Variants in DSE observed in about 807,000 individuals in gnomAD.
The protein encoded by DSE is dermatan sulfate epimerase.
In DSE, 36 loss-of-function variants were observed where a neutral mutation model predicts 84.4. The observed-to-expected ratio is 0.43, with a 90% confidence interval of 0.33 to 0.56. The LOEUF (loss-of-function observed/expected upper bound fraction) is 0.56. DSE is among the 20% of genes least tolerant of loss of function. The pLI, the probability that DSE is intolerant of heterozygous loss-of-function variation, is 0.06. For missense variants in DSE, 862 were observed against 1,169.6 expected (o/e 0.74, Z 3.84); for synonymous variants, 410 against 430.1 (o/e 0.95, Z 0.58).
At chr6:116,369,099 T>C (rs1562258924), upstream of DSE, among the ~76,000 whole-genome samples, 1 of 152,174 alleles carries the variant, frequency 6.6e-6, no homozygotes, top group Non-Finnish European at 1.5e-5. Context: ...ATTGTGATCA[T>C]CTAGGAAGAG....
chr6:116,371,201 G>C (rs1779532667), intron 1 of DSE, 80 bp downstream of exon 1: 1 of 985,312 alleles, frequency 1.0e-6, no homozygotes, highest in African/African-American at 1.7e-5. Context: ...GTAGCCTTCG[G>C]GGCTGTCCCG....
At chr6:116,425,618 T>A (rs1223050235) in intron 2 of DSE, among the ~76,000 whole-genome samples, 1 of 59,204 alleles carries the variant, frequency 1.7e-5, no homozygotes, top group Non-Finnish European at 3.8e-5. Context: ...TATTTATTTT[T>A]ATTTTATTTT....
intron 2 of DSE, among the ~76,000 whole-genome samples, chr6:116,269,057 C>G (rs1293938987): frequency 6.6e-6 from 1 of 151,750 alleles, no homozygotes; most frequent in East Asian, 1.9e-4. Flanking sequence ...TATGCTCCTG[C>G]TTTCACCAGT....
upstream of DSE, chr6:116,370,798 G>T: frequency 4.1e-6 from 4 of 980,940 alleles, no homozygotes; most frequent in Non-Finnish European, 4.8e-6. Flanking sequence ...CGGGGGAGGG[G>T]GTCCCCGTTT....
chr6:116,369,763 A>G (rs1779393558), upstream of DSE: 2 of 463,290 alleles, frequency 4.3e-6, no homozygotes, highest in Non-Finnish European at 7.5e-6. Context: ...CTTAAATGCA[A>G]TTTCTGAAAA....
chr6:116,332,118 C>G (rs527291398), intron 2 of DSE, among the ~76,000 whole-genome samples: 75 of 152,122 alleles, frequency 4.9e-4, no homozygotes, highest in Non-Finnish European at 1.0e-3. Context: ...TTAAAAATTT[C>G]ATTTCTATGA....
chr6:116,309,403 A>G (rs1323095668), intron 2 of DSE, among the ~76,000 whole-genome samples: 1 of 152,204 alleles, frequency 6.6e-6, no homozygotes, highest in Non-Finnish European at 1.5e-5. Flanking sequence ...CATGGGTTCT[A>G]TTATTGCTCC....
chr6:116,323,987 A>T (rs951540731), intron 2 of DSE, among the ~76,000 whole-genome samples: 1 of 152,070 alleles, frequency 6.6e-6, no homozygotes, highest in Non-Finnish European at 1.5e-5. Context: ...CCTGCCCCAC[A>T]TAGTCAAACC....
At chr6:116,416,928 A>G (rs192153226) in intron 2 of DSE, among the ~76,000 whole-genome samples, 99 of 152,318 alleles carry the variant, frequency 6.5e-4, no homozygotes, top group African/African-American at 2.2e-3. Flanking sequence ...TCCTTTTTAA[A>G]ATGGGTAAAT....
intron 2 of DSE, among the ~76,000 whole-genome samples, chr6:116,364,483 G>C (rs1170575681): frequency 1.3e-5 from 2 of 152,200 alleles, no homozygotes; most frequent in African/African-American, 4.8e-5. Context: ...AATCTCATCA[G>C]CAGAAGAAAA....
chr6:116,420,849 G>C (rs1472343607), intron 2 of DSE, among the ~76,000 whole-genome samples: 2 of 151,964 alleles, frequency 1.3e-5, no homozygotes, highest in African/African-American at 2.4e-5. Context: ...TTGTTTTTAG[G>C]GTTCCTTTTA....
At chr6:116,275,035 A>G (rs1277959859) in intron 2 of DSE, among the ~76,000 whole-genome samples, 1 of 152,258 alleles carries the variant, frequency 6.6e-6, no homozygotes, top group Non-Finnish European at 1.5e-5. Flanking sequence ...AAATATTTCA[A>G]CATGCAATCA....
chr6:116,259,850 G>T (rs1245099005), intron 2 of DSE, among the ~76,000 whole-genome samples: 1 of 152,126 alleles, frequency 6.6e-6, no homozygotes, highest in East Asian at 1.9e-4. Flanking sequence ...ATAGTATTCT[G>T]TGGTGTATAT....
At chr6:116,326,924 A>G (rs1424176765) in intron 2 of DSE, among the ~76,000 whole-genome samples, 2 of 152,232 alleles carry the variant, frequency 1.3e-5, no homozygotes, top group African/African-American at 2.4e-5. Context: ...AGACTCTTCA[A>G]AATGATTAGG....
chr6:116,298,193 A>C (rs1774784315), intron 2 of DSE, among the ~76,000 whole-genome samples: 1 of 152,210 alleles, frequency 6.6e-6, no homozygotes, highest in South Asian at 2.1e-4. Flanking sequence ...GAGGCTATCC[A>C]CATGTGGTAG....
intron 2 of DSE, among the ~76,000 whole-genome samples, chr6:116,284,810 A>G (rs1562203438): frequency 6.6e-6 from 1 of 151,836 alleles, no homozygotes; most frequent in Non-Finnish European, 1.5e-5. Context: ...CAGAATGATG[A>G]TTTCCAGCTT....
At chr6:116,290,542 C>T (rs1047811478) in intron 2 of DSE, among the ~76,000 whole-genome samples, 12 of 152,104 alleles carry the variant, frequency 7.9e-5, no homozygotes, top group African/African-American at 2.9e-4. Flanking sequence ...TCAGAGATTT[C>T]ACTTGCTGAT....
intron 2 of DSE, among the ~76,000 whole-genome samples, chr6:116,353,153 G>C (rs1394953604): frequency 6.6e-6 from 1 of 152,184 alleles, no homozygotes; most frequent in African/African-American, 2.4e-5. Context: ...AGGAGTAAAT[G>C]TGTGTTTGTG....
At chr6:116,287,248 A>G (rs1425726637) in intron 2 of DSE, among the ~76,000 whole-genome samples, 2 of 152,122 alleles carry the variant, frequency 1.3e-5, no homozygotes, top group East Asian at 3.8e-4. Context: ...CTTGGAAAAA[A>G]ATATGGATAT....
Sources: allele counts gnomAD v4.1 joint callset (sites outside exome capture counted in the v4.1 genomes callset), GRCh38; gene constraint gnomAD v4.1.1; transcripts MANE v1.5; gene names NCBI Gene and HGNC (gene_info 2026-07-23, HGNC 2026-07-21).